MEGF6: variants seen among roughly 807,000 people sequenced by gnomAD.
The protein encoded by MEGF6 is multiple EGF like domains 6, also known as multiple epidermal growth factor-like domains protein 6.
A neutral mutation model predicts 207.1 loss-of-function variants in MEGF6; 184 were observed. That is an observed-to-expected ratio of 0.89 (90% CI 0.79 to 1.00). The LOEUF (loss-of-function observed/expected upper bound fraction) is 1.00. MEGF6 is among the 50% of genes least tolerant of loss of function. The probability of loss-of-function intolerance (pLI) is 0.00; values close to 1 mark genes in which losing one functional copy is unlikely to be tolerated. For missense variants in MEGF6, 2,282 were observed against 2,202.9 expected (o/e 1.04, Z -0.72); for synonymous variants, 1,038 against 910.0 (o/e 1.14, Z -2.53).
chr1:3,539,376 C>T (rs1034871165), intron 4 of MEGF6, among the ~76,000 whole-genome samples: 3 of 151,920 alleles, frequency 2.0e-5, no homozygotes, highest in Non-Finnish European at 2.9e-5. Flanking sequence ...GGGAACACGA[C>T]GGGAGAGGGG....
At chr1:3,527,854 G>A (rs1033403164) in intron 4 of MEGF6, among the ~76,000 whole-genome samples, 1 of 152,140 alleles carries the variant, frequency 6.6e-6, no homozygotes, top group East Asian at 1.9e-4. Context: ...GGAACGCTGG[G>A]ACTCCAGCAT....
At chr1:3,509,039 C>T (rs762450518) in intron 12 of MEGF6, 36 bp downstream of exon 12, 17 of 1,494,078 alleles carry the variant, frequency 1.1e-5, no homozygotes, top group East Asian at 7.4e-5. Context: ...GCTGGCCCTG[C>T]GAGCAGGAGC....
chr1:3,524,409 G>C (rs1365200801), intron 4 of MEGF6, among the ~76,000 whole-genome samples, 163 bp from the exon 5 acceptor site: 2 of 152,202 alleles, frequency 1.3e-5, no homozygotes, highest in Non-Finnish European at 2.9e-5. Context: ...CAGCAGAAGA[G>C]ACAGGGTCTG....
chr1:3,620,174 A>G, the MEGF6 span, among the ~76,000 whole-genome samples: 3 of 152,224 alleles, frequency 2.0e-5, no homozygotes, highest in Non-Finnish European at 4.4e-5. Flanking sequence ...GCTTTTTCTG[A>G]AAGTGTACAG....
At position 3,511,650 on chromosome 1, in the gene MEGF6, G is replaced by A. The variant is rs770024433; in HGVS notation, c.1014C>T (p.Asn338=). ...TGCAGCCATGGGAGCAGCCGCCGTT[G>A]TTGGCCTCACAGCTGTTCACGATTT... ...EMEIVNSCEA[N]NGGCSHGCSH... is the part of the protein sequence containing the mutation. Residue 338 remains asparagine (N), a synonymous_variant, in exon 9 of 37, where the codon AAC becomes AAT. Coordinates refer to ENST00000356575, the MANE Select transcript of MEGF6 (RefSeq NM_001409.4). 1 of 1,612,310 alleles carries A rather than the reference G, an allele frequency of 6.2e-7. No individual in the cohort carries two copies. The highest frequency in any genetic ancestry group is 8.5e-7 in the Non-Finnish European group (1 of 1,179,370).
the MEGF6 span, among the ~76,000 whole-genome samples, chr1:3,617,219 A>C: frequency 1.3e-5 from 2 of 150,446 alleles, no homozygotes; most frequent in Non-Finnish European, 3.0e-5. Flanking sequence ...GTCTGGAAAT[A>C]TGAAGGTGTT....
Position 3,556,303 on chromosome 1 carries a change from T to C in MEGF6, c.481+23522A>G, listed in dbSNP as rs1210298296. ...CAGGCCAGGTCAGAATTAAACTCCA[T>C]GATCTTGGCACAAAGACACCCCCAT... On this transcript the variant is annotated intron_variant, in intron 4 of 36. Transcript: ENST00000356575. The surrounding 1 kb of genome is among the most constrained non-coding windows in gnomAD (Gnocchi z 4.4). Among the ~76,000 whole-genome samples the C allele has an allele frequency of 1.3e-5, 2 of 152,218 alleles. No homozygotes were observed. The highest frequency in any genetic ancestry group is 6.5e-5 in the Admixed American group (1 of 15,290).
chr1:3,544,442 T>C lies in MEGF6; in HGVS notation c.482-20196A>G, dbSNP rs1447210323. The stretch of plus-strand genomic sequence containing the variant: ...CTTTGTGCAGGGGCCCTCGGGGGCC[T>C]CTCCGTTGGCTTCCCTGGGCTGGCC... On this transcript the variant is annotated intron_variant, in intron 4 of 36. Transcript: ENST00000356575. 3.9e-5 allele frequency among the ~76,000 whole-genome samples: 6 copies of C among 152,088 alleles called. No individual in the cohort carries two copies. The East Asian group carries it at 1.2e-3, about 29-fold the overall frequency.
Position 3,501,193 on chromosome 1 carries a change from G to A in MEGF6, c.2430C>T (p.Gly810=), listed in dbSNP as rs1640847426. Residue 810 remains glycine, a synonymous_variant, in exon 19 of 37, where the codon GGC becomes GGT. Transcript: ENST00000356575. The part of the protein sequence containing the change: ...GACLCLPGFV[G]SRCQDVCPAG... The stretch of plus-strand genomic sequence containing the variant: ...CTCACTCACCGTCCTGGCAGCGGCT[G>A]CCGACGAAGCCAGGGAGGCACAGGC... The A allele has an allele frequency of 6.2e-7, 1 of 1,612,268 alleles. No individual in the cohort carries two copies. Among genetic ancestry groups the A allele is most frequent in the Non-Finnish European group, 8.5e-7 (1 of 1,179,826 alleles).
chr1:3,529,634 T>C (rs567031684), intron 4 of MEGF6, among the ~76,000 whole-genome samples: 3 of 152,320 alleles, frequency 2.0e-5, no homozygotes, highest in African/African-American at 7.2e-5. Context: ...CAACACGGGC[T>C]GGTTCACCAG....
At chr1:3,500,797 C>T (rs368586524) in intron 20 of MEGF6, 33 bp from the exon 21 acceptor site, 1 of 1,598,930 alleles carries the variant, frequency 6.3e-7, no homozygotes, top group African/African-American at 1.3e-5. Flanking sequence ...CCGGCGCAGG[C>T]CCAAGCGCGG....
the MEGF6 span, among the ~76,000 whole-genome samples, chr1:3,619,191 C>G: frequency 2.0e-5 from 3 of 152,198 alleles, no homozygotes; most frequent in Non-Finnish European, 4.4e-5. Context: ...GATGCTGCCA[C>G]CTGCTGACAG....
rs1333650428 is a variant in MEGF6 at position 3,500,330 on chromosome 1, G to A, written c.2707+303C>T. ...CTGCCCCCTCCTGCTGCGGCTCCAAGTGAGCCTGGTGCAGGTCGGTGAGAG... is the reference window on the plus strand; with the variant it reads ...CTGCCCCCTCCTGCTGCGGCTCCAAATGAGCCTGGTGCAGGTCGGTGAGAG... On this transcript the variant is annotated intron_variant, in intron 21 of 36. Transcript: ENST00000356575. 2.0e-5 allele frequency among the ~76,000 whole-genome samples: 3 copies of A among 152,262 alleles called. No homozygotes were observed. The East Asian group carries it at 5.8e-4, about 29-fold the overall frequency.
At chr1:3,527,627 G>T (rs747180281) in intron 4 of MEGF6, among the ~76,000 whole-genome samples, 1 of 152,168 alleles carries the variant, frequency 6.6e-6, no homozygotes, top group Non-Finnish European at 1.5e-5. Context: ...CCCCAACAGC[G>T]CCCCAAAGAA....
intron 36 of MEGF6, 69 bp from the exon 37 acceptor site, chr1:3,490,658 G>C: frequency 6.5e-7 from 1 of 1,538,560 alleles, no homozygotes; most frequent in Non-Finnish European, 8.8e-7. Context: ...CTGGGTTCTG[G>C]GTTGGCACCT....
At chr1:3,595,986 G>A (rs930130225) in intron 2 of MEGF6, among the ~76,000 whole-genome samples, 6 of 152,068 alleles carry the variant, frequency 3.9e-5, no homozygotes, top group Non-Finnish European at 8.8e-5. Flanking sequence ...GCCCCAGTAG[G>A]AGCCCCACAC....
chr1:3,595,556 C>T (rs1644050400), intron 2 of MEGF6, 109 bp from the exon 3 acceptor site: 2 of 902,386 alleles, frequency 2.2e-6, no homozygotes, highest in Admixed American at 2.1e-5. Flanking sequence ...TTCCCGGCGG[C>T]ACAGGCTGCA....
intron 2 of MEGF6, among the ~76,000 whole-genome samples, chr1:3,602,098 T>A (rs781085759): frequency 9.2e-5 from 14 of 152,180 alleles, no homozygotes; most frequent in Non-Finnish European, 1.9e-4. Flanking sequence ...TTCACGTGTG[T>A]TGGGGAACAA....
chr1:3,531,186 GCC>G, intron 4 of MEGF6: 1 of 1,521,220 alleles, frequency 6.6e-7, no homozygotes, highest in Non-Finnish European at 8.8e-7. Flanking sequence ...CGCGCGCCAG[GCC>G]CCCCAGGAGC....
Sources: allele counts gnomAD v4.1 joint callset (sites outside exome capture counted in the v4.1 genomes callset), GRCh38; gene constraint gnomAD v4.1.1; non-coding constraint Gnocchi (gnomAD v3.1); transcripts MANE v1.5; gene names NCBI Gene and HGNC (gene_info 2026-07-23, HGNC 2026-07-21).